Variants in SYT5 observed in about 807,000 individuals in gnomAD.
SYT5 encodes the protein synaptotagmin 5, also known as synaptotagmin-5.
Under a neutral mutation model 36.0 loss-of-function variants are expected in SYT5, and 29 were observed. The observed-to-expected ratio is 0.81, with a 90% CI of 0.60 to 1.10. SYT5 has a LOEUF of 1.10. Among genes scored for constraint, SYT5 ranks in the 50% least tolerant of loss-of-function variants. The probability of loss-of-function intolerance (pLI) is 0.00; values close to 1 mark genes in which losing one functional copy is unlikely to be tolerated. For missense variants in SYT5, 512 were observed against 516.0 expected, an observed-to-expected ratio of 0.99 and a Z score of 0.08; for synonymous variants, 231 against 227.6, an observed-to-expected ratio of 1.02 and a Z score of -0.14.
In SYT5 at chr19:55,177,413, G is replaced by A. The variant is rs574853799; in HGVS notation, c.252+783C>T. 90 of 152,194 alleles carry A rather than the reference G, an allele frequency of 5.9e-4. 1 individual carries two copies. The highest frequency in any genetic ancestry group is 2.1e-3 in the African/African-American group (87 of 41,516). The allele number at this position is 152,194 out of a possible 1,614,324, so 9.4% of individuals were successfully genotyped here. The stretch of plus-strand genomic sequence containing the variant: ...TGGTCTCAGTTAACTCTGTCCCTCA[G>A]GTCTCAGTGCAGAAGTCACCTCCAC... On this transcript the variant is annotated intron_variant, in intron 3 of 8. Transcript: ENST00000354308.
Position 55,175,212 on chromosome 19 carries a change from A to G in SYT5, c.668T>C (p.Val223Ala), listed in dbSNP as rs961473293. ...PMSSVDLGRP[V>A]QAWRELQAAP... ...CGCCTGCAGCTCCCGCCAGGCCTGCACTGGCCGCCCCAGGTCCACGGAGCT... is the reference window on the plus strand; with the variant it reads ...CGCCTGCAGCTCCCGCCAGGCCTGCGCTGGCCGCCCCAGGTCCACGGAGCT... Residue 223 changes from valine (V) to alanine (A), a missense_variant, in exon 6 of 9, where the codon GTG becomes GCG. By Grantham distance (64) the Val-to-Ala change is moderately conservative. Transcript: ENST00000354308. This position sits in a 1 kb window ranked among gnomAD's most constrained non-coding sequence, Gnocchi z 4.5. 4 of 1,610,684 alleles carry G rather than the reference A, an allele frequency of 2.5e-6. No homozygotes were observed. The highest frequency in any genetic ancestry group is 3.4e-6 in the Non-Finnish European group (4 of 1,178,772).
rs755173999 is a variant in SYT5 at position 55,174,919 on chromosome 19, A to T, written c.789T>A (p.Ala263=). 2 of 1,613,964 alleles carry T rather than the reference A, an allele frequency of 1.2e-6. No individual in the cohort carries two copies. The highest frequency in any genetic ancestry group is 1.7e-6 in the Non-Finnish European group (2 of 1,180,004). ...AGKLTVIVLE[A]KNLKKMDVGG... is the part of the protein sequence containing the mutation. ...CTACGTCCATCTTCTTCAGGTTTTT[A>T]GCCTCCAGGACGATGACGGTGAGCT... Residue 263 remains alanine, a synonymous_variant, in exon 7 of 9, where the codon GCT becomes GCA. Transcript: ENST00000354308.
At position 55,173,604 on chromosome 19, in the gene SYT5, C is replaced by T. The variant is rs751810155; in HGVS notation, c.1041G>A (p.Ala347=). The T allele has an allele frequency of 1.5e-5, 22 of 1,483,852 alleles. 1 individual carries two copies. In the Middle Eastern group the frequency reaches 4.2e-3, roughly 285 times the overall value. 91.9% of individuals were successfully genotyped at this position (1,483,852 alleles called of 1,614,324 possible). A position where few individuals can be genotyped will look rare whatever the true frequency, so the allele number is the denominator to read the frequency against. ...NEAIGRVAVG[A]AAGGAGLRHW... is the part of the protein sequence containing the mutation. ...GCCGCAGGCCAGCCCCGCCGGCGGC[C>T]GCCCCCACGGCCACCCTCCCGATGG... is the stretch of plus-strand genomic sequence containing the variant. Residue 347 remains alanine, a synonymous_variant, in exon 9 of 9, where the codon GCG becomes GCA. Transcript: ENST00000354308. The surrounding 1 kb of genome is among the most constrained non-coding windows in gnomAD (Gnocchi z 5.4).
chr19:55,177,832 G>A (rs1439326853), intron 3 of SYT5, among the ~76,000 whole-genome samples: 2 of 152,226 alleles, frequency 1.3e-5, no homozygotes, highest in Non-Finnish European at 2.9e-5. Flanking sequence ...TAGGATTACA[G>A]GCGTGAGCCA....
Position 55,173,209 on chromosome 19 carries a change from C to G in SYT5, c.*275G>C, listed in dbSNP as rs1331042128. ...TGATTGTCAAAGCAGGGGGCAGGAC[C>G]CGGGGGCAGGAGAAACCAGGCTGCC... On this transcript the variant is annotated 3_prime_UTR_variant, in exon 9 of 9. Coordinates refer to ENST00000354308, the MANE Select transcript of SYT5 (RefSeq NM_003180.3). This position sits in a 1 kb window ranked among gnomAD's most constrained non-coding sequence, Gnocchi z 5.4. 7.8e-6 allele frequency: 3 copies of G among 383,882 alleles called. No homozygotes were observed. The highest frequency in any genetic ancestry group is 2.1e-5 in the African/African-American group (1 of 47,998). The allele number at this position is 383,882 out of a possible 1,614,324, so 23.8% of individuals were successfully genotyped here.
Position 55,173,800 on chromosome 19 carries a change from G to T in SYT5, c.961-116C>A. On this transcript the variant is annotated intron_variant, in intron 8 of 8. Transcript: ENST00000354308. The surrounding 1 kb of genome is among the most constrained non-coding windows in gnomAD (Gnocchi z 5.4). Reference sequence around the variant, plus strand: ...TCTCGCTGCCACCCGAGGGCTCGGGGCCCCGGAGCTCGGGACGGGGGAGGG... The same window carrying T: ...TCTCGCTGCCACCCGAGGGCTCGGGTCCCCGGAGCTCGGGACGGGGGAGGG... The T allele has an allele frequency of 8.6e-7, 1 of 1,159,936 alleles. No homozygotes were observed. The highest frequency in any genetic ancestry group is 1.1e-6 in the Non-Finnish European group (1 of 896,652). 71.9% of individuals were successfully genotyped at this position (1,159,936 alleles called of 1,614,324 possible). A position where few individuals can be genotyped will look rare whatever the true frequency, so the allele number is the denominator to read the frequency against.
In SYT5 at chr19:55,175,140, G is replaced by A. The variant is rs111941180; in HGVS notation, c.708+32C>T. 1.6e-3 allele frequency: 2,536 copies of A among 1,578,790 alleles called. 42 individuals carry two copies. The African/African-American group carries it at 0.031, about 19-fold the overall frequency. Reference sequence around the variant, plus strand: ...GTTGTGGGCGGGACTGGGCCTGGGGGCGTGGCTCGGGGCGCGACCGCGCAT... The same window carrying A: ...GTTGTGGGCGGGACTGGGCCTGGGGACGTGGCTCGGGGCGCGACCGCGCAT... On this transcript the variant is annotated intron_variant, in intron 6 of 8. Coordinates refer to ENST00000354308, the MANE Select transcript of SYT5 (RefSeq NM_003180.3). The surrounding 1 kb of genome is among the most constrained non-coding windows in gnomAD (Gnocchi z 4.5).
rs2086030747 is a variant in SYT5, at chr19:55,173,641, C to A, written c.1004G>T (p.Gly335Val). 7 of 1,488,258 alleles carry A rather than the reference C, an allele frequency of 4.7e-6. No individual in the cohort carries two copies. The highest frequency in any genetic ancestry group is 6.2e-6 in the Non-Finnish European group (7 of 1,120,124). 92.2% of individuals were successfully genotyped at this position (1,488,258 alleles called of 1,614,324 possible). The stretch of plus-strand genomic sequence containing the variant: ...CACCCTCCCGATGGCCTCGTTCTTG[C>A]CCAGCTTGTCGTAGTCCAGCACGGT... Reference protein sequence around the residue: ...ELTVLDYDKLGKNEAIGRVAV... With the variant: ...ELTVLDYDKLVKNEAIGRVAV... The change falls in exon 9 of 9, where the codon GGC (glycine) becomes GTC (valine). Residue 335 changes from glycine to valine, a missense_variant. Transcript: ENST00000354308. The surrounding 1 kb of genome is among the most constrained non-coding windows in gnomAD (Gnocchi z 5.4).
Position 55,175,725 on chromosome 19 carries a change from T to TC in SYT5, c.523dup (p.Glu175GlyfsTer31), listed in dbSNP as rs2086068446. The TC allele has an allele frequency of 6.2e-7, 1 of 1,613,520 alleles. No individual in the cohort carries two copies. The highest frequency in any genetic ancestry group is 8.5e-7 in the Non-Finnish European group (1 of 1,179,990). On this transcript the variant is annotated frameshift_variant, in exon 5 of 9. Coordinates refer to ENST00000354308, the MANE Select transcript of SYT5 (RefSeq NM_003180.3). LOFTEE classifies it high-confidence loss of function. This position sits in a 1 kb window ranked among gnomAD's most constrained non-coding sequence, Gnocchi z 4.5. ...GGAGCTCACCTTGAAGGCGAAGGTC[T>TC]CCCCAAAGTGAGGGTTCAGCGTCTG...
At position 55,173,563 on chromosome 19, in the gene SYT5, A is replaced by G; in HGVS notation, c.1082T>C (p.Leu361Pro). 6.9e-7 allele frequency: 1 copy of G among 1,451,976 alleles called. No homozygotes were observed. Among genetic ancestry groups the G allele is most frequent in the Non-Finnish European group, 9.1e-7 (1 of 1,103,390 alleles). 89.9% of individuals were successfully genotyped at this position (1,451,976 alleles called of 1,614,324 possible). ...GGCAATGGGCCGCCGCGGGTTGGCC[A>G]GCATGTCCGCCCAGTGCCGCAGGCC... ...GAGLRHWADM[L>P]ANPRRPIAQW... Residue 361 changes from leucine to proline, a missense_variant, in exon 9 of 9, where the codon CTG becomes CCG. Physicochemically the swap from Leu to Pro is moderately conservative, Grantham distance 98. Coordinates refer to ENST00000354308, the MANE Select transcript of SYT5 (RefSeq NM_003180.3). This position sits in a 1 kb window ranked among gnomAD's most constrained non-coding sequence, Gnocchi z 5.4.
intron 7 of SYT5, 72 bp downstream of exon 7, chr19:55,174,810 C>T: frequency 6.3e-7 from 1 of 1,581,006 alleles, no homozygotes; most frequent in Non-Finnish European, 8.7e-7. Context: ...ACCCTCGAGG[C>T]TCAGAAACTG....
chr19:55,178,924 TTCTC>T, intron 2 of SYT5, 35 bp downstream of exon 2: 1 of 1,441,934 alleles, frequency 6.9e-7, no homozygotes, highest in Admixed American at 2.9e-5. Flanking sequence ...TGGCCAGGCT[TTCTC>T]TCTGCTCGGC....
In SYT5 at chr19:55,173,746, C is replaced by T. The variant is rs2086032609; in HGVS notation, c.961-62G>A. Reference sequence around the variant, plus strand: ...TGAGGGGAGGAGGCCCCGGAAGGGGCGGTGTCCGTTTTCACGGCTGAGGGT... The same window carrying T: ...TGAGGGGAGGAGGCCCCGGAAGGGGTGGTGTCCGTTTTCACGGCTGAGGGT... On this transcript the variant is annotated intron_variant, in intron 8 of 8. Transcript: ENST00000354308. This position sits in a 1 kb window ranked among gnomAD's most constrained non-coding sequence, Gnocchi z 5.4. 7.7e-7 allele frequency: 1 copy of T among 1,294,366 alleles called. No homozygotes were observed. The highest frequency in any genetic ancestry group is 9.9e-7 in the Non-Finnish European group (1 of 1,013,222). 80.2% of individuals were successfully genotyped at this position (1,294,366 alleles called of 1,614,324 possible).
intron 3 of SYT5, chr19:55,176,959 T>C (rs906715914): frequency 6.6e-6 from 1 of 152,236 alleles, no homozygotes; most frequent in African/African-American, 2.4e-5. Flanking sequence ...GTTGGAAACC[T>C]AGGGCTGTCT....
Position 55,175,515 on chromosome 19 carries a change from C to T in SYT5, c.541-176G>A, listed in dbSNP as rs73619544. Among the ~76,000 whole-genome samples, 2,184 of 152,182 alleles carry T rather than the reference C, an allele frequency of 0.014. 56 individuals carry two copies. Among genetic ancestry groups the T allele is most frequent in the African/African-American group, 0.049 (2,035 of 41,526 alleles). Reference sequence around the variant, plus strand: ...GAAAAAAATCACGGGTCAGTGGAACCCAAATCGTACCGCCCAAGGACCAGG... The same window carrying T: ...GAAAAAAATCACGGGTCAGTGGAACTCAAATCGTACCGCCCAAGGACCAGG... On this transcript the variant is annotated intron_variant, in intron 5 of 8. Transcript: ENST00000354308. This position sits in a 1 kb window ranked among gnomAD's most constrained non-coding sequence, Gnocchi z 4.5.
chr19:55,178,101 T>C, intron 3 of SYT5, 95 bp downstream of exon 3: 12 of 1,418,146 alleles, frequency 8.5e-6, no homozygotes, highest in East Asian at 2.4e-5. Flanking sequence ...TGGGTTCCTA[T>C]AGGACAGAAG....
Position 55,175,861 on chromosome 19 carries a change from G to C in SYT5, c.388C>G (p.Leu130Val). The stretch of plus-strand genomic sequence containing the variant: ...AAGGCTGCCAATCCCATTGCTTGCA[G>C]AATGCCCACCAGCAGCTGCAGGGCC... Reference protein sequence around the residue: ...FQSGQLLVGILQAMGLAALDL... With the variant: ...FQSGQLLVGIVQAMGLAALDL... Residue 130 changes from leucine to valine, a missense_variant, in exon 5 of 9, where the codon CTG becomes GTG. Coordinates refer to ENST00000354308, the MANE Select transcript of SYT5 (RefSeq NM_003180.3). The surrounding 1 kb of genome is among the most constrained non-coding windows in gnomAD (Gnocchi z 4.5). 2 of 1,614,168 alleles carry C rather than the reference G, an allele frequency of 1.2e-6. No individual in the cohort carries two copies. The highest frequency in any genetic ancestry group is 1.7e-6 in the Non-Finnish European group (2 of 1,180,026).
At position 55,179,326 on chromosome 19, in the gene SYT5, G is replaced by T; in HGVS notation, c.-45-240C>A. The T allele has an allele frequency of 8.3e-7, 1 of 1,198,050 alleles. No individual in the cohort carries two copies. The highest frequency in any genetic ancestry group is 1.1e-6 in the Non-Finnish European group (1 of 917,816). 74.2% of individuals were successfully genotyped at this position (1,198,050 alleles called of 1,614,324 possible). Reference sequence around the variant, plus strand: ...CAGGCATCCCGCTGACTTCTGCCTCGTCCTCGCCCCTCCGCAGGGTCTGAA... The same window carrying T: ...CAGGCATCCCGCTGACTTCTGCCTCTTCCTCGCCCCTCCGCAGGGTCTGAA... On this transcript the variant is annotated intron_variant, in intron 1 of 8. Transcript: ENST00000354308. The surrounding 1 kb of genome is among the most constrained non-coding windows in gnomAD (Gnocchi z 4.5).
intron 8 of SYT5, among the ~76,000 whole-genome samples, 162 bp downstream of exon 8, chr19:55,174,355 A>G (rs1460277488): frequency 6.7e-6 from 1 of 149,366 alleles, no homozygotes; most frequent in Non-Finnish European, 1.5e-5. Flanking sequence ...CTCTTCCTGG[A>G]GTGGAAGAGG....
Sources: allele counts gnomAD v4.1 joint callset (sites outside exome capture counted in the v4.1 genomes callset), GRCh38; gene constraint gnomAD v4.1.1; non-coding constraint Gnocchi (gnomAD v3.1); transcripts MANE v1.5; gene names NCBI Gene and HGNC (gene_info 2026-07-23, HGNC 2026-07-21).